DMBX1: variants seen among roughly 807,000 people sequenced by gnomAD.
DMBX1 encodes the protein diencephalon/mesencephalon homeobox 1, also known as diencephalon/mesencephalon homeobox protein 1.
In DMBX1, 7 loss-of-function variants were observed where a neutral mutation model predicts 30.4. The observed-to-expected ratio is 0.23, with a 90% CI of 0.13 to 0.43. The LOEUF (loss-of-function observed/expected upper bound fraction) is 0.43. Ranked by LOEUF, DMBX1 falls within the 20% of genes least tolerant of loss-of-function variation. The pLI, the probability that DMBX1 is intolerant of heterozygous loss-of-function variation, is 1.00. For missense variants in DMBX1, 460 were observed against 508.5 expected (o/e 0.90, Z 0.92); for synonymous variants, 222 against 214.2 (o/e 1.04, Z -0.32).
intron 2 of DMBX1, among the ~76,000 whole-genome samples, chr1:46,497,217 T>C (rs1666040767): frequency 6.6e-6 from 1 of 152,202 alleles, no homozygotes; most frequent in Non-Finnish European, 1.5e-5. Context: ...CCCTGAGTCT[T>C]AGTTTTCTCA....
chr1:46,508,884 C>G (rs542471184), intron 3 of DMBX1, among the ~76,000 whole-genome samples: 71 of 150,762 alleles, frequency 4.7e-4, no homozygotes, highest in African/African-American at 1.7e-3. Context: ...TGCTCCTTCC[C>G]CAACCAGAGT....
intron 2 of DMBX1, among the ~76,000 whole-genome samples, chr1:46,499,818 G>T (rs1383035388): frequency 6.6e-6 from 1 of 152,218 alleles, no homozygotes. Flanking sequence ...GCACTCTGCT[G>T]CAGGCACTAG....
In DMBX1 at chr1:46,514,289, TG is replaced by T. The variant is rs1666449128; in HGVS notation, c.*1798del. 6.6e-6 allele frequency: 1 copy of T among 152,226 alleles called. No individual in the cohort carries two copies. Among genetic ancestry groups the T allele is most frequent in the Non-Finnish European group, 1.5e-5 (1 of 68,048 alleles). 9.4% of individuals were successfully genotyped at this position (152,226 alleles called of 1,614,324 possible). On this transcript the variant is annotated 3_prime_UTR_variant, in exon 6 of 6. Transcript: ENST00000360032. ...GCCTCTCTGGGTCTGTTTCCCTGTC[TG>T]GGTTAGATGGCCTGTAAGGTCCTAG...
At position 46,493,379 on chromosome 1, in the gene DMBX1, A is replaced by T. The variant is rs949022121; in HGVS notation, c.-13+2596A>T. ...GAAGGGCACCGAGCTGGGCTCTCCAATGTCCAGCCCTCCCGCCGTTCAGTG... is the reference window on the plus strand; with the variant it reads ...GAAGGGCACCGAGCTGGGCTCTCCATTGTCCAGCCCTCCCGCCGTTCAGTG... On this transcript the variant is annotated intron_variant, in intron 2 of 5. Coordinates refer to ENST00000360032, the MANE Select transcript of DMBX1 (RefSeq NM_172225.2). This position sits in a 1 kb window ranked among gnomAD's most constrained non-coding sequence, Gnocchi z 4.1. 6.6e-6 allele frequency among the ~76,000 whole-genome samples: 1 copy of T among 152,108 alleles called. No homozygotes were observed. The highest frequency in any genetic ancestry group is 1.5e-5 in the Non-Finnish European group (1 of 68,026).
chr1:46,495,497 G>A (rs912331937), intron 2 of DMBX1, among the ~76,000 whole-genome samples: 4 of 152,180 alleles, frequency 2.6e-5, no homozygotes, highest in African/African-American at 9.7e-5. Flanking sequence ...TGGGGATTAT[G>A]AGGTTGTGAA....
chr1:46,511,832 C>T (rs1354486765), intron 5 of DMBX1, among the ~76,000 whole-genome samples: 1 of 152,146 alleles, frequency 6.6e-6, no homozygotes, highest in Non-Finnish European at 1.5e-5. Flanking sequence ...TTGGCAGGGT[C>T]CCTGGAGCTT....
Position 46,515,923 on chromosome 1 carries a change from A to G in DMBX1, c.*3429A>G, listed in dbSNP as rs1444661077. 2.0e-5 allele frequency among the ~76,000 whole-genome samples: 3 copies of G among 152,082 alleles called. No homozygotes were observed. The highest frequency in any genetic ancestry group is 4.4e-5 in the Non-Finnish European group (3 of 67,990). On this transcript the variant is annotated 3_prime_UTR_variant, in exon 6 of 6. Transcript: ENST00000360032. The stretch of plus-strand genomic sequence containing the variant: ...GCATGGTCCAGGGGCCCGGATCCCA[A>G]CCCCAACTCCAAGGCTGGTGGGCTC...
rs1179560561 is a variant in DMBX1, at chr1:46,501,213, C to CCTTCCTTCCTTCCTTCCTTT, written c.-12-5783_-12-5782insCCTTCCTTCCTTCCTTTCTT. Among the ~76,000 whole-genome samples, 324 of 74,302 alleles carry CCTTCCTTCCTTCCTTCCTTT rather than the reference C, an allele frequency of 4.4e-3. 1 individual carries two copies. The highest frequency in any genetic ancestry group is 0.011 in the East Asian group (25 of 2,178). The allele number at this position is 74,302 out of a possible 152,430, so 48.7% of individuals were successfully genotyped here. A position where few individuals can be genotyped will look rare whatever the true frequency, so the allele number is the denominator to read the frequency against. On this transcript the variant is annotated intron_variant, in intron 2 of 5. Coordinates refer to ENST00000360032, the MANE Select transcript of DMBX1 (RefSeq NM_172225.2). ...CTCTCCCTTCCTTCCTTCCTTCCTTCCTTTCTTTCTTTCTTTCTTTCTTTC... is the reference window on the plus strand; with the variant it reads ...CTCTCCCTTCCTTCCTTCCTTCCTTCCTTCCTTCCTTCCTTCCTTTCTTTCTTTCTTTCTTTCTTTCTTTC...
At chr1:46,501,220 T>TCCTTCCTTCCTTCCTTCCTTCC (rs1418372494) in intron 2 of DMBX1, among the ~76,000 whole-genome samples, 1 of 58,536 alleles carries the variant, frequency 1.7e-5, no homozygotes, top group African/African-American at 5.8e-5. Context: ...CTTCCTTTCT[T>TCCTTCCTTCCTTCCTTCCTTCC]TCTTTCTTTC....
chr1:46,492,108 T>C (rs1045247455), intron 2 of DMBX1, among the ~76,000 whole-genome samples: 14 of 152,154 alleles, frequency 9.2e-5, no homozygotes, highest in African/African-American at 3.4e-4. Context: ...CCGAATGGAA[T>C]GCAGAACAGA....
chr1:46,504,842 C>G (rs1435539809), intron 2 of DMBX1, among the ~76,000 whole-genome samples: 1 of 150,152 alleles, frequency 6.7e-6, no homozygotes, highest in Non-Finnish European at 1.5e-5. Context: ...TCTTCCTACC[C>G]ATGAGCATGG....
rs949022121 is a variant in DMBX1, at chr1:46,493,379, A to G, written c.-13+2596A>G. ...GAAGGGCACCGAGCTGGGCTCTCCA[A>G]TGTCCAGCCCTCCCGCCGTTCAGTG... On this transcript the variant is annotated intron_variant, in intron 2 of 5. Transcript: ENST00000360032. The surrounding 1 kb of genome is among the most constrained non-coding windows in gnomAD (Gnocchi z 4.1). Among the ~76,000 whole-genome samples, 7 of 152,108 alleles carry G rather than the reference A, an allele frequency of 4.6e-5. No individual in the cohort carries two copies. Among genetic ancestry groups the G allele is most frequent in the African/African-American group, 1.4e-4 (6 of 41,412 alleles).
In DMBX1 at chr1:46,511,124, C is replaced by T. The variant is rs1666360760; in HGVS notation, c.523C>T (p.His175Tyr). Residue 175 changes from histidine (H) to tyrosine (Y), a missense_variant, in exon 5 of 6, where the codon CAC (histidine) becomes TAC (tyrosine). His to Tyr is a moderately conservative substitution (Grantham distance 83). Around this residue, in one of 3 missense-constraint regions of DMBX1, gnomAD observed 334 missense variants for 345.1 expected, o/e 0.97. Transcript: ENST00000360032. ...LPGSDPPAEL[H>Y]LSLSEQSASE... ...TGGCAGCGACCCCCCTGCTGAGCTT[C>T]ACCTGAGTCTGTCTGAGCAGTCAGC... 1.2e-6 allele frequency: 2 copies of T among 1,614,064 alleles called. No individual in the cohort carries two copies. The highest frequency in any genetic ancestry group is 1.7e-6 in the Non-Finnish European group (2 of 1,180,020).
intron 2 of DMBX1, among the ~76,000 whole-genome samples, chr1:46,502,037 T>C (rs1324839747): frequency 6.6e-6 from 1 of 152,218 alleles, no homozygotes; most frequent in Non-Finnish European, 1.5e-5. Flanking sequence ...CACTCTTTTC[T>C]CTTAGCTTTC....
At position 46,511,057 on chromosome 1, in the gene DMBX1, T is replaced by C; in HGVS notation, c.456T>C (p.Thr152=). ...SHGEGKAEAP[T]PDTQLDTEQP... ...GGGAAGGCAAGGCCGAGGCCCCCAC[T>C]CCAGATACCCAGCTGGACACTGAGC... The change falls in exon 5 of 6, where the codon ACT becomes ACC. Residue 152 remains threonine, a synonymous_variant. Coordinates refer to ENST00000360032, the MANE Select transcript of DMBX1 (RefSeq NM_172225.2). 1 of 1,613,990 alleles carries C rather than the reference T, an allele frequency of 6.2e-7. No homozygotes were observed. The highest frequency in any genetic ancestry group is 8.5e-7 in the Non-Finnish European group (1 of 1,179,974).
chr1:46,510,024 C>T lies in DMBX1; in HGVS notation c.155-452C>T, dbSNP rs1193735923. ...TGGGTACCAGCCCAGCCTGGCTTCT[C>T]ATGGGCAGGGACCAGTACTCTGATG... On this transcript the variant is annotated intron_variant, in intron 3 of 5. Coordinates refer to ENST00000360032, the MANE Select transcript of DMBX1 (RefSeq NM_172225.2). The surrounding 1 kb of genome is among the most constrained non-coding windows in gnomAD (Gnocchi z 4.1). Among the ~76,000 whole-genome samples, 1 of 152,178 alleles carries T rather than the reference C, an allele frequency of 6.6e-6. No homozygotes were observed. Among genetic ancestry groups the T allele is most frequent in the African/African-American group, 2.4e-5 (1 of 41,428 alleles).
chr1:46,509,323 C>T (rs1260643055), intron 3 of DMBX1, among the ~76,000 whole-genome samples: 3 of 152,158 alleles, frequency 2.0e-5, no homozygotes, highest in Non-Finnish European at 4.4e-5. Flanking sequence ...ATCCACCCGC[C>T]CAAAGTGCTG....
intron 2 of DMBX1, among the ~76,000 whole-genome samples, chr1:46,492,581 G>A (rs1328675144): frequency 6.6e-6 from 1 of 152,068 alleles, no homozygotes; most frequent in African/African-American, 2.4e-5. Context: ...GAGGGAAAGG[G>A]AGAAGCAGAC....
At chr1:46,502,117 G>A (rs769810444) in intron 2 of DMBX1, among the ~76,000 whole-genome samples, 11 of 152,222 alleles carry the variant, frequency 7.2e-5, no homozygotes, top group Admixed American at 1.3e-4. Flanking sequence ...GGAAGTTAAT[G>A]TGTGAATGCT....
Sources: gnomAD v4.1 joint callset for allele counts (sites outside exome capture counted in the v4.1 genomes callset) on GRCh38, gnomAD v4.1.1 for gene constraint, gnomAD v4.1.1 regional missense constraint, Gnocchi (gnomAD v3.1) non-coding constraint, MANE v1.5 for transcripts, NCBI Gene and HGNC (gene_info 2026-07-23, HGNC 2026-07-21) for gene names.